The following PBX4 variants were observed in gnomAD, a reference collection of about 807,000 sequenced individuals.
PBX4 encodes the protein pre-B-cell leukemia transcription factor 4.
In PBX4, 26 loss-of-function variants were observed where a neutral mutation model predicts 35.1. That is an observed-to-expected ratio of 0.74 (90% CI 0.54 to 1.03). The LOEUF is 1.03. Ranked by LOEUF, PBX4 falls within the 50% of genes least tolerant of loss-of-function variation. PBX4 has a pLI of 0.00. For missense variants in PBX4, 448 were observed against 504.3 expected, an observed-to-expected ratio of 0.89 and a Z score of 1.07; for synonymous variants, 199 against 204.2, an observed-to-expected ratio of 0.97 and a Z score of 0.22.
intron 1 of PBX4, among the ~76,000 whole-genome samples, chr19:19,614,682 A>C (rs140267318): frequency 2.1e-3 from 315 of 152,166 alleles, no homozygotes; most frequent in African/African-American, 6.6e-3. Flanking sequence ...AAACCAAACC[A>C]AAAAACAGCC....
Position 19,569,536 on chromosome 19 carries a change from C to T in PBX4, c.681G>A (p.Glu227=), listed in dbSNP as rs2061367096. 1.2e-6 allele frequency: 2 copies of T among 1,613,918 alleles called. No homozygotes were observed. The highest frequency in any genetic ancestry group is 1.1e-5 in the South Asian group (1 of 91,042). ...GGTTGTTCAGATGGGAGTAAAAATA[C>T]TCATTCAGCACTTCCGTCGCCTGCT... is the stretch of plus-strand genomic sequence containing the variant. ...FSKQATEVLN[E]YFYSHLNNPY... Residue 227 remains glutamate, a synonymous_variant, in exon 5 of 8, where the codon GAG becomes GAA. Transcript: ENST00000251203.
intron 2 of PBX4, among the ~76,000 whole-genome samples, chr19:19,596,220 T>C (rs1314450643): frequency 6.6e-6 from 1 of 151,918 alleles, no homozygotes; most frequent in African/African-American, 2.4e-5. Flanking sequence ...GATGAAACCC[T>C]GTCTCTACTA....
chr19:19,566,042 C>A (rs1600392870), intron 5 of PBX4, among the ~76,000 whole-genome samples: 2 of 152,010 alleles, frequency 1.3e-5, no homozygotes, highest in South Asian at 4.1e-4. Flanking sequence ...GGATTCCAGG[C>A]CCAGCCTCAT....
At chr19:19,608,057 G>A (rs1293254565) in intron 1 of PBX4, 1 of 152,170 alleles carries the variant, frequency 6.6e-6, no homozygotes, top group Non-Finnish European at 1.5e-5. Context: ...CTGCTCTTAA[G>A]AAGTAAAACT....
intron 2 of PBX4, among the ~76,000 whole-genome samples, chr19:19,597,017 G>T (rs2061565587): frequency 6.6e-6 from 1 of 151,668 alleles, no homozygotes; most frequent in Admixed American, 6.6e-5. Context: ...TTCAAGACCA[G>T]CCTGGCCAAC....
At chr19:19,569,274 G>A (rs2061364904) in intron 5 of PBX4, among the ~76,000 whole-genome samples, 175 bp downstream of exon 5, 1 of 152,066 alleles carries the variant, frequency 6.6e-6, no homozygotes. Context: ...TGCCCAGGCT[G>A]GTCTCGAACT....
intron 1 of PBX4, chr19:19,606,235 C>A (rs1201968115): frequency 6.6e-5 from 10 of 152,236 alleles, no homozygotes. Context: ...TAAGACTCCA[C>A]CTTAGATGAC....
intron 4 of PBX4, 116 bp from the exon 5 acceptor site, chr19:19,569,700 AG>A: frequency 1.5e-6 from 2 of 1,354,024 alleles, no homozygotes; most frequent in Non-Finnish European, 2.0e-6. Context: ...ACTTGAGGTC[AG>A]GAGTTCGAGA....
chr19:19,609,889 A>T (rs2061653960), intron 1 of PBX4, among the ~76,000 whole-genome samples: 3 of 152,020 alleles, frequency 2.0e-5, no homozygotes, highest in Admixed American at 2.0e-4. Flanking sequence ...AACAGTGAAA[A>T]ACCACCCACT....
At chr19:19,607,636 G>A (rs1416588437) in intron 1 of PBX4, among the ~76,000 whole-genome samples, 1 of 152,130 alleles carries the variant, frequency 6.6e-6, no homozygotes, top group East Asian at 1.9e-4. Flanking sequence ...TATTGTGGAA[G>A]TACCATATGC....
chr19:19,565,182 A>G (rs2061334344), intron 5 of PBX4, 93 bp from the exon 6 acceptor site: 1 of 1,489,802 alleles, frequency 6.7e-7, no homozygotes, highest in Non-Finnish European at 9.3e-7. Flanking sequence ...CGTTGCTCCC[A>G]CTGCCTTAGA....
chr19:19,612,139 G>A (rs953575009), intron 1 of PBX4, among the ~76,000 whole-genome samples: 2 of 152,080 alleles, frequency 1.3e-5, no homozygotes, highest in South Asian at 4.1e-4. Flanking sequence ...GCATGGTGGT[G>A]CATACCTGTA....
In PBX4 at chr19:19,570,703, G is replaced by C. The variant is rs749382075; in HGVS notation, c.324C>G (p.Ala108=). The stretch of plus-strand genomic sequence containing the variant: ...GACAGCCACCTGGTGTTGCTGTGCC[G>C]GCCCTGGCCACCGCTCCTCCTCTTC... ...KRGRGGAVAR[A]GTATPGGCPN... The change falls in exon 3 of 8, where the codon GCC becomes GCG. Residue 108 remains alanine (A), a synonymous_variant. Coordinates refer to ENST00000251203, the MANE Select transcript of PBX4 (RefSeq NM_025245.3). The C allele has an allele frequency of 6.2e-6, 10 of 1,613,984 alleles. No homozygotes were observed. Among genetic ancestry groups the C allele is most frequent in the Admixed American group, 5.0e-5 (3 of 59,994 alleles).
rs202136740 is a variant in PBX4, at chr19:19,570,816, T to C, written c.211A>G (p.Ile71Val). Residue 71 changes from isoleucine (I) to valine (V), a missense_variant, in exon 3 of 8, where the codon ATT becomes GTT. Coordinates refer to ENST00000251203, the MANE Select transcript of PBX4 (RefSeq NM_025245.3). ...KEKTVVSIRG[I>V]QDEDPPDAQL... ...GCGTCAGGGGGATCTTCGTCTTGAA[T>C]GCCACGGATGCTTACCACTAGATAA... The C allele has an allele frequency of 1.6e-5, 26 of 1,614,058 alleles. No individual in the cohort carries two copies. In the East Asian group the frequency reaches 4.7e-4, roughly 29 times the overall value.
chr19:19,612,279 G>GA (rs1242048113), intron 1 of PBX4, among the ~76,000 whole-genome samples: 1 of 151,968 alleles, frequency 6.6e-6, no homozygotes, highest in African/African-American at 2.4e-5. Flanking sequence ...TCTGTCTCAA[G>GA]AAAAAAACAA....
chr19:19,618,644 G>A lies in PBX4; in HGVS notation c.-15C>T. 3 of 1,211,300 alleles carry A rather than the reference G, an allele frequency of 2.5e-6. No homozygotes were observed. The highest frequency in any genetic ancestry group is 3.1e-6 in the Non-Finnish European group (3 of 973,780). 75.0% of individuals were successfully genotyped at this position (1,211,300 alleles called of 1,614,324 possible). On this transcript the variant is annotated 5_prime_UTR_variant, in exon 1 of 8. Coordinates refer to ENST00000251203, the MANE Select transcript of PBX4 (RefSeq NM_025245.3). ...GGGGCGGCCATGAGCGGCAGGGCCG[G>A]GCGGGCGCTGTGAGGGTGCCGTCGA...
Position 19,570,686 on chromosome 19 carries a change from C to A in PBX4, c.341G>T (p.Gly114Val). ...AATGCTATTGTCATTTGGACAGCCA[C>A]CTGGTGTTGCTGTGCCGGCCCTGGC... ...AVARAGTATPGGCPNDNSIEH... is the reference protein window; with the variant it reads ...AVARAGTATPVGCPNDNSIEH... Residue 114 changes from glycine to valine, a missense_variant, in exon 3 of 8, where the codon GGT becomes GTT. Transcript: ENST00000251203. 2 of 1,614,178 alleles carry A rather than the reference C, an allele frequency of 1.2e-6. No individual in the cohort carries two copies. Among genetic ancestry groups the A allele is most frequent in the Admixed American group, 1.7e-5 (1 of 60,010 alleles).
chr19:19,565,554 G>C (rs1451229269), intron 5 of PBX4, among the ~76,000 whole-genome samples: 1 of 152,232 alleles, frequency 6.6e-6, no homozygotes, highest in Admixed American at 6.5e-5. Context: ...TGAAGGGGTA[G>C]TTGGAATGTA....
chr19:19,563,417 G>A lies in PBX4; in HGVS notation c.1032+92C>T. 1.9e-6 allele frequency: 2 copies of A among 1,035,970 alleles called. No homozygotes were observed. The highest frequency in any genetic ancestry group is 3.4e-5 in the South Asian group (2 of 58,650). 64.2% of individuals were successfully genotyped at this position (1,035,970 alleles called of 1,614,324 possible). On this transcript the variant is annotated intron_variant, in intron 7 of 7. Transcript: ENST00000251203. This position sits in a 1 kb window ranked among gnomAD's most constrained non-coding sequence, Gnocchi z 5.1. ...TGTGGCTGCTGGGACCTCTGGGGAA[G>A]CTGCCCCAAGGCCGAGGGGTGGCTG... is the stretch of plus-strand genomic sequence containing the variant.
Sources: allele counts gnomAD v4.1 joint callset (sites outside exome capture counted in the v4.1 genomes callset), GRCh38; gene constraint gnomAD v4.1.1; non-coding constraint Gnocchi (gnomAD v3.1); transcripts MANE v1.5; gene names NCBI Gene and HGNC (gene_info 2026-07-23, HGNC 2026-07-21).